The following NRG3 variants were observed in gnomAD, a reference collection of about 807,000 sequenced individuals.
NRG3 encodes the protein pro-neuregulin-3, membrane-bound isoform.
Under a neutral mutation model 66.9 loss-of-function variants are expected in NRG3, and 31 were observed. That is an observed-to-expected ratio of 0.46 (90% CI 0.35 to 0.63). The LOEUF (loss-of-function observed/expected upper bound fraction) is 0.63. NRG3 is among the 20% of genes least tolerant of loss of function. The pLI, the probability that NRG3 is intolerant of heterozygous loss-of-function variation, is 0.00. For missense variants in NRG3, 910 were observed against 878.9 expected, an observed-to-expected ratio of 1.04 and a Z score of -0.45; for synonymous variants, 393 against 359.4, an observed-to-expected ratio of 1.09 and a Z score of -1.06.
At chr10:82,099,339 C>G (rs898649433) in intron 1 of NRG3, among the ~76,000 whole-genome samples, 1 of 152,106 alleles carries the variant, frequency 6.6e-6, no homozygotes, top group African/African-American at 2.4e-5. Context: ...CTTGAATTGC[C>G]TGTGTAGGAA....
chr10:82,797,444 A>G (rs901827230), intron 3 of NRG3, among the ~76,000 whole-genome samples: 1 of 152,210 alleles, frequency 6.6e-6, no homozygotes, highest in Admixed American at 6.5e-5. Context: ...CAGGTGGGTC[A>G]TGTCCAAAGT....
intron 1 of NRG3, among the ~76,000 whole-genome samples, chr10:81,921,334 C>T (rs1846235672): frequency 6.6e-6 from 1 of 151,906 alleles, no homozygotes; most frequent in African/African-American, 2.4e-5. Flanking sequence ...GGTATTTATA[C>T]TTCATTATCT....
intron 2 of NRG3, among the ~76,000 whole-genome samples, chr10:82,570,701 A>G (rs2045675990): frequency 6.6e-6 from 1 of 151,674 alleles, no homozygotes; most frequent in South Asian, 2.1e-4. Context: ...GAAATTTTGC[A>G]CTAAGGAAGC....
intron 1 of NRG3, among the ~76,000 whole-genome samples, chr10:82,011,440 G>A (rs1369402009): frequency 6.6e-6 from 1 of 151,980 alleles, no homozygotes; most frequent in African/African-American, 2.4e-5. Flanking sequence ...TCCACCCCCG[G>A]CCCCTCTCAA....
intron 2 of NRG3, among the ~76,000 whole-genome samples, chr10:82,726,850 C>CA (rs2057630950): frequency 6.6e-6 from 1 of 152,116 alleles, no homozygotes; most frequent in African/African-American, 2.4e-5. Context: ...ATGGCTTTGA[C>CA]AAAAATGCTG....
At chr10:82,858,316 A>G (rs7917405) in intron 3 of NRG3, among the ~76,000 whole-genome samples, 35,114 of 152,016 alleles carry the variant, frequency 0.23, 4,536 homozygotes, top group East Asian at 0.52. Context: ...CAGAACTCTT[A>G]AAGTCTACTC....
chr10:82,556,425 G>T (rs1045174755), intron 2 of NRG3, among the ~76,000 whole-genome samples: 15 of 152,080 alleles, frequency 9.9e-5, no homozygotes, highest in Admixed American at 3.3e-4. Flanking sequence ...CTACTGGTAA[G>T]GACTTCATCT....
At chr10:82,175,373 T>C (rs553458850) in intron 1 of NRG3, among the ~76,000 whole-genome samples, 106 of 152,304 alleles carry the variant, frequency 7.0e-4, no homozygotes, top group Middle Eastern at 3.4e-3. Flanking sequence ...CAACCTCCTT[T>C]AGCAGCAGCG....
At chr10:81,913,077 C>G (rs1399569761) in intron 1 of NRG3, among the ~76,000 whole-genome samples, 2 of 108,868 alleles carry the variant, frequency 1.8e-5, no homozygotes, top group Admixed American at 9.0e-5. Context: ...CTGAAGGGAC[C>G]ATTGGGGAAA....
intron 2 of NRG3, among the ~76,000 whole-genome samples, chr10:82,441,532 T>C (rs982861491): frequency 2.0e-5 from 3 of 152,146 alleles, no homozygotes; most frequent in Non-Finnish European, 4.4e-5. Context: ...TAAATATCAG[T>C]ACTTTGTACA....
chr10:82,935,799 T>C (rs75149797), intron 4 of NRG3, among the ~76,000 whole-genome samples: 11 of 151,840 alleles, frequency 7.2e-5, no homozygotes, highest in African/African-American at 2.4e-4. Flanking sequence ...AATTTTTTTT[T>C]ATTTTTAATA....
At chr10:82,350,107 C>G (rs1206535306) in intron 1 of NRG3, among the ~76,000 whole-genome samples, 3 of 152,108 alleles carry the variant, frequency 2.0e-5, no homozygotes, top group East Asian at 1.9e-4. Flanking sequence ...CTTTTTTACA[C>G]GGAACCCACG....
chr10:82,094,828 C>T (rs1345404610), intron 1 of NRG3, among the ~76,000 whole-genome samples: 1 of 151,932 alleles, frequency 6.6e-6, no homozygotes, highest in African/African-American at 2.4e-5. Context: ...TATAAGTGGA[C>T]CTAAATAATG....
chr10:82,786,821 A>C (rs1241242797), intron 3 of NRG3, among the ~76,000 whole-genome samples: 1 of 152,192 alleles, frequency 6.6e-6, no homozygotes, highest in Non-Finnish European at 1.5e-5. Flanking sequence ...GGTTAATGCC[A>C]TCATTGCAGG....
intron 1 of NRG3, among the ~76,000 whole-genome samples, chr10:82,141,115 AGTG>A (rs1266124285): frequency 2.0e-5 from 3 of 152,126 alleles, no homozygotes; most frequent in African/African-American, 7.2e-5. Flanking sequence ...CTTCCCGAAA[AGTG>A]GTATTTACTA....
intron 5 of NRG3, chr10:82,955,310 A>G (rs1849937462): frequency 6.6e-6 from 1 of 151,986 alleles, no homozygotes; most frequent in Non-Finnish European, 1.5e-5. Flanking sequence ...CTGAACCCAT[A>G]GCAACTCTAA....
At chr10:82,125,336 A>T (rs2068368657) in intron 1 of NRG3, among the ~76,000 whole-genome samples, 1 of 151,992 alleles carries the variant, frequency 6.6e-6, no homozygotes, top group African/African-American at 2.4e-5. Context: ...AGTGATCTTC[A>T]CCAAACTCTG....
At chr10:82,119,840 G>A (rs145739612) in intron 1 of NRG3, among the ~76,000 whole-genome samples, 24 of 152,144 alleles carry the variant, frequency 1.6e-4, no homozygotes, top group African/African-American at 5.5e-4. Context: ...TTGGAATGAC[G>A]TTTCTGAAAA....
chr10:82,463,934 T>G (rs897257202), intron 2 of NRG3, among the ~76,000 whole-genome samples: 3 of 152,208 alleles, frequency 2.0e-5, no homozygotes, highest in African/African-American at 7.2e-5. Flanking sequence ...CAAATTAACT[T>G]CTTGCCCTGC....
Sources: gnomAD v4.1 joint callset for allele counts (sites outside exome capture counted in the v4.1 genomes callset) on GRCh38, gnomAD v4.1.1 for gene constraint, MANE v1.5 for transcripts, NCBI Gene and HGNC (gene_info 2026-07-23, HGNC 2026-07-21) for gene names.